The following PARD3B variants were observed in gnomAD, a reference collection of about 807,000 sequenced individuals.
PARD3B encodes partitioning defective 3 homolog B.
In PARD3B, 103 loss-of-function variants were observed where a neutral mutation model predicts 130.2. The ratio of observed to expected loss-of-function variants is 0.79; its 90% CI spans 0.67 to 0.93. The LOEUF is 0.93. PARD3B is among the 40% of genes least tolerant of loss of function. The pLI, the probability that PARD3B is intolerant of heterozygous loss-of-function variation, is 0.00. For missense variants in PARD3B, 1,609 were observed against 1,499.2 expected (o/e 1.07, Z -1.21); for synonymous variants, 583 against 553.2 (o/e 1.05, Z -0.76).
intron 20 of PARD3B, among the ~76,000 whole-genome samples, chr2:205,487,275 T>C (rs1471360794): frequency 6.6e-6 from 1 of 152,218 alleles, no homozygotes; most frequent in Admixed American, 6.5e-5. Context: ...TTTCTCCTTT[T>C]TTAAAACACT....
chr2:205,315,750 T>C (rs1033111592), intron 18 of PARD3B, among the ~76,000 whole-genome samples: 4 of 152,188 alleles, frequency 2.6e-5, no homozygotes, highest in Non-Finnish European at 5.9e-5. Flanking sequence ...AAAACAAGCT[T>C]TGTGAAGCCT....
chr2:204,571,180 T>C (rs570212558), intron 1 of PARD3B, among the ~76,000 whole-genome samples: 1 of 152,254 alleles, frequency 6.6e-6, no homozygotes, highest in South Asian at 2.1e-4. Flanking sequence ...AATAGATCCA[T>C]GTGGGGTTTT....
rs150943519 is a variant in PARD3B, at chr2:204,706,480, A to G, written c.222+20198A>G. Among the ~76,000 whole-genome samples the G allele has an allele frequency of 1.9e-4, 29 of 152,300 alleles. 1 individual carries two copies. The East Asian group carries it at 5.4e-3, about 28-fold the overall frequency. On this transcript the variant is annotated intron_variant, in intron 2 of 22. Transcript: ENST00000406610. ...AGTCAAAATGCCAGTGACAACTGATAGAAGAAGACTCCAGAAAATTGGATG... is the reference window on the plus strand; with the variant it reads ...AGTCAAAATGCCAGTGACAACTGATGGAAGAAGACTCCAGAAAATTGGATG...
rs963344498 is a variant in PARD3B, at chr2:205,025,760, G to A, written c.395-21821G>A. Among the ~76,000 whole-genome samples, 20 of 152,132 alleles carry A rather than the reference G, an allele frequency of 1.3e-4. No individual in the cohort carries two copies. The Middle Eastern group carries it at 0.01, about 78-fold the overall frequency. On this transcript the variant is annotated intron_variant, in intron 3 of 22. Transcript: ENST00000406610. ...TACCAGCCCGGTTCTGACATCCAAG[G>A]CTGACTCCTATTCCATGTTTTGCCC...
At chr2:204,956,558 A>G (rs1158808795) in intron 2 of PARD3B, among the ~76,000 whole-genome samples, 1 of 150,974 alleles carries the variant, frequency 6.6e-6, no homozygotes, top group Non-Finnish European at 1.5e-5. Context: ...GTGTCCACAC[A>G]TTTTAAATAT....
chr2:205,270,095 C>T (rs1181602889), intron 16 of PARD3B, among the ~76,000 whole-genome samples: 1 of 152,126 alleles, frequency 6.6e-6, no homozygotes, highest in Non-Finnish European at 1.5e-5. Flanking sequence ...TGTATGAAAA[C>T]ATCTCATGTA....
At position 205,142,651 on chromosome 2, in the gene PARD3B, G is replaced by T. The variant is rs2033054275; in HGVS notation, c.1435-16071G>T. ...TCCCAACACTTTGGGAGGCCGAGGT[G>T]GGCGGATCAAGAGGTCAGGAGTTTG... On this transcript the variant is annotated intron_variant, in intron 10 of 22. Coordinates refer to ENST00000406610, the MANE Select transcript of PARD3B (RefSeq NM_001302769.2). The surrounding 1 kb of genome is among the most constrained non-coding windows in gnomAD (Gnocchi z 4.3). 6.6e-6 allele frequency among the ~76,000 whole-genome samples: 1 copy of T among 152,074 alleles called. No individual in the cohort carries two copies. The highest frequency in any genetic ancestry group is 6.5e-5 in the Admixed American group (1 of 15,282).
intron 1 of PARD3B, among the ~76,000 whole-genome samples, chr2:204,605,071 T>G (rs2033659059): frequency 6.6e-6 from 1 of 152,160 alleles, no homozygotes; most frequent in Non-Finnish European, 1.5e-5. Context: ...AAGGTAACTC[T>G]GGGCTCTTAG....
At chr2:205,068,968 C>A (rs1339492670) in intron 4 of PARD3B, among the ~76,000 whole-genome samples, 2 of 151,998 alleles carry the variant, frequency 1.3e-5, no homozygotes, top group Non-Finnish European at 1.5e-5. Context: ...ATGTAGTTAA[C>A]ATGAAAACAT....
intron 2 of PARD3B, among the ~76,000 whole-genome samples, chr2:204,840,539 T>C (rs2044221483): frequency 1.3e-5 from 2 of 152,140 alleles, no homozygotes; most frequent in Admixed American, 6.5e-5. Flanking sequence ...TGTCCTTTTT[T>C]TTTTTAACTA....
chr2:205,236,807 C>T (rs370535353), intron 15 of PARD3B, among the ~76,000 whole-genome samples: 1 of 152,098 alleles, frequency 6.6e-6, no homozygotes, highest in Non-Finnish European at 1.5e-5. Flanking sequence ...ACTGATCAGT[C>T]GCAGTGACAT....
chr2:204,997,070 C>A (rs1042937400), intron 3 of PARD3B, among the ~76,000 whole-genome samples: 3 of 151,946 alleles, frequency 2.0e-5, no homozygotes, highest in Non-Finnish European at 4.4e-5. Context: ...AGCTGTAGAC[C>A]GGAGCTGTTC....
In PARD3B at chr2:205,341,195, C is replaced by G. The variant is rs1462762867; in HGVS notation, c.2630+39494C>G. 2.0e-5 allele frequency among the ~76,000 whole-genome samples: 3 copies of G among 151,974 alleles called. No individual in the cohort carries two copies. Among genetic ancestry groups the G allele is most frequent in the Non-Finnish European group, 2.9e-5 (2 of 67,958 alleles). ...GGGAAACAGTATAGTGGTTTAAAAT[C>G]TATATTAAAATTAGGACTGCCATGC... On this transcript the variant is annotated intron_variant, in intron 18 of 22. Coordinates refer to ENST00000406610, the MANE Select transcript of PARD3B (RefSeq NM_001302769.2). This position sits in a 1 kb window ranked among gnomAD's most constrained non-coding sequence, Gnocchi z 4.3.
rs2041636721 is a variant in PARD3B, at chr2:205,292,275, G to GA, written c.2186-8254dup. On this transcript the variant is annotated intron_variant, in intron 16 of 22. Coordinates refer to ENST00000406610, the MANE Select transcript of PARD3B (RefSeq NM_001302769.2). The surrounding 1 kb of genome is among the most constrained non-coding windows in gnomAD (Gnocchi z 5.3). ...TTTCCTTATAAAAAAAAGACTCACA[G>GA]AGAGTTCCCTTGACCCTTCCACCAT... is the stretch of plus-strand genomic sequence containing the variant. Among the ~76,000 whole-genome samples, 1 of 152,070 alleles carries GA rather than the reference G, an allele frequency of 6.6e-6. No homozygotes were observed. The highest frequency in any genetic ancestry group is 2.4e-5 in the African/African-American group (1 of 41,398).
chr2:204,751,371 A>G (rs2040460062), intron 2 of PARD3B, among the ~76,000 whole-genome samples: 1 of 152,220 alleles, frequency 6.6e-6, no homozygotes, highest in African/African-American at 2.4e-5. Flanking sequence ...AAAACTTCTA[A>G]TGGAAGGTGT....
intron 21 of PARD3B, among the ~76,000 whole-genome samples, chr2:205,522,513 T>C (rs2051122442): frequency 6.6e-6 from 1 of 152,238 alleles, no homozygotes; most frequent in South Asian, 2.1e-4. Flanking sequence ...AAAAATTAAA[T>C]TAATTAAAAT....
chr2:205,481,661 A>G (rs1465098617), intron 20 of PARD3B, among the ~76,000 whole-genome samples: 2 of 152,234 alleles, frequency 1.3e-5, no homozygotes, highest in Admixed American at 1.3e-4. Flanking sequence ...TGCTTTAAAT[A>G]AAAACTCACT....
chr2:205,110,387 C>T (rs943386529), intron 5 of PARD3B, among the ~76,000 whole-genome samples: 4 of 152,158 alleles, frequency 2.6e-5, no homozygotes, highest in South Asian at 2.1e-4. Context: ...TCTGCAGCTT[C>T]GCCTATAGTT....
At chr2:205,223,496 G>C (rs1032938270) in intron 15 of PARD3B, among the ~76,000 whole-genome samples, 78 of 152,152 alleles carry the variant, frequency 5.1e-4, no homozygotes, top group African/African-American at 1.8e-3. Context: ...CGGCTGACTG[G>C]CTGTGACTGC....
Sources: allele counts gnomAD v4.1 joint callset (sites outside exome capture counted in the v4.1 genomes callset), GRCh38; gene constraint gnomAD v4.1.1; non-coding constraint Gnocchi (gnomAD v3.1); transcripts MANE v1.5; gene names NCBI Gene and HGNC (gene_info 2026-07-23, HGNC 2026-07-21).